Variants in PIEZO2 observed in about 807,000 individuals in gnomAD.
PIEZO2 encodes the protein piezo type mechanosensitive ion channel component 2.
PIEZO2 carries 172 observed loss-of-function variants against 337.3 expected under a neutral mutation model. The ratio of observed to expected loss-of-function variants is 0.51; its 90% CI spans 0.45 to 0.58. PIEZO2 has a LOEUF of 0.58. Ranked by LOEUF, PIEZO2 falls within the 20% of genes least tolerant of loss-of-function variation. The probability of loss-of-function intolerance (pLI) is 0.00; values close to 1 mark genes in which losing one functional copy is unlikely to be tolerated. For missense variants in PIEZO2, 3,028 were observed against 3,391.3 expected (o/e 0.89, Z 2.66); for synonymous variants, 1,251 against 1,228.5 (o/e 1.02, Z -0.38).
At chr18:10,702,343 T>C (rs1185661526) in intron 42 of PIEZO2, among the ~76,000 whole-genome samples, 172 bp from the exon 43 acceptor site, 1 of 152,206 alleles carries the variant, frequency 6.6e-6, no homozygotes, top group East Asian at 1.9e-4. Flanking sequence ...CGCAGACTAT[T>C]GACTTCATAA....
intron 2 of PIEZO2, among the ~76,000 whole-genome samples, chr18:11,043,995 T>A (rs954271644): frequency 1.3e-5 from 2 of 151,998 alleles, no homozygotes; most frequent in African/African-American, 4.8e-5. Context: ...AAGAATACCA[T>A]TGTAAGTAAA....
chr18:11,030,401 T>C (rs1206094136), intron 2 of PIEZO2, among the ~76,000 whole-genome samples: 1 of 152,082 alleles, frequency 6.6e-6, no homozygotes, highest in Non-Finnish European at 1.5e-5. Context: ...CATGTTTCAT[T>C]AGTTATCTGT....
At chr18:10,826,358 T>C (rs1173560870) in intron 7 of PIEZO2, among the ~76,000 whole-genome samples, 1 of 152,250 alleles carries the variant, frequency 6.6e-6, no homozygotes, top group African/African-American at 2.4e-5. Context: ...CAATCTGTTA[T>C]CATATTGTTC....
chr18:11,034,850 A>AAAAC (rs565364362), intron 2 of PIEZO2, among the ~76,000 whole-genome samples: 106 of 152,212 alleles, frequency 7.0e-4, no homozygotes, highest in Admixed American at 4.7e-3. Flanking sequence ...GTCTCAAACA[A>AAAAC]AAACAAACAA....
rs2146145646 is a variant in PIEZO2, at chr18:11,111,411, C to T, written c.64+37114G>A. Among the ~76,000 whole-genome samples the T allele has an allele frequency of 6.6e-6, 1 of 152,326 alleles. No homozygotes were observed. The highest frequency in any genetic ancestry group is 1.9e-4 in the East Asian group (1 of 5,188). ...GACTTTTCATAAAAACCTAGATTTC[C>T]AATTTCTTTTTAAAAAATTATACCA... is the stretch of plus-strand genomic sequence containing the variant. On this transcript the variant is annotated intron_variant, in intron 1 of 55. Coordinates refer to ENST00000674853, the MANE Select transcript of PIEZO2 (RefSeq NM_001378183.1). The surrounding 1 kb of genome is among the most constrained non-coding windows in gnomAD (Gnocchi z 6.2).
In PIEZO2 at chr18:10,857,104, C is replaced by A. The variant is rs982262386; in HGVS notation, c.600G>T (p.Met200Ile). The change falls in exon 6 of 56, where the codon ATG becomes ATT. Residue 200 changes from methionine (M) to isoleucine (I), a missense_variant. Physicochemically the swap from Met to Ile is conservative, Grantham distance 10. Coordinates refer to ENST00000674853, the MANE Select transcript of PIEZO2 (RefSeq NM_001378183.1). ...AGGCCACAGAGGCAAGCCTGCGGAA[C>A]ATTTTTAACTTCGTGCTTTCTTCCA... ...GELEESTKLKMFRRLASVASK... is the reference protein window; with the variant it reads ...GELEESTKLKIFRRLASVASK... 2.3e-5 allele frequency: 36 copies of A among 1,537,606 alleles called. No homozygotes were observed. The highest frequency in any genetic ancestry group is 3.0e-5 in the Non-Finnish European group (34 of 1,147,014).
Position 10,812,372 on chromosome 18 carries a change from T to C in PIEZO2, c.918-5098A>G, listed in dbSNP as rs375577200. On this transcript the variant is annotated intron_variant, in intron 7 of 55. Transcript: ENST00000674853. The stretch of plus-strand genomic sequence containing the variant: ...AAGGGAATAACGGGACACCGGGGCC[T>C]ACTTGAGGGTGAGGGTGGGAGGAGG... 1.6e-4 allele frequency among the ~76,000 whole-genome samples: 25 copies of C among 152,270 alleles called. 1 individual carries two copies. The highest frequency in any genetic ancestry group is 1.5e-3 in the South Asian group (7 of 4,824).
intron 3 of PIEZO2, among the ~76,000 whole-genome samples, chr18:10,949,067 G>A (rs1480302797): frequency 6.6e-6 from 1 of 152,128 alleles, no homozygotes; most frequent in Non-Finnish European, 1.5e-5. Context: ...AGAACCCTGA[G>A]TATTCATCAT....
rs796883471 is a variant in PIEZO2, at chr18:10,684,047, A to ACCCT, written c.7498-1759_7498-1756dup. 4.4e-3 allele frequency among the ~76,000 whole-genome samples: 469 copies of ACCCT among 106,080 alleles called. 6 individuals carry two copies. The highest frequency in any genetic ancestry group is 0.013 in the African/African-American group (354 of 27,612). 69.6% of individuals were successfully genotyped at this position (106,080 alleles called of 152,430 possible). A position where few individuals can be genotyped will look rare whatever the true frequency, so the allele number is the denominator to read the frequency against. ...TTTTCTCCCTTCCTTCCTTCCTCCT[A>ACCCT]CCCTCCCTCCCTCCCTTCCTTCCTT... On this transcript the variant is annotated intron_variant, in intron 49 of 55. Coordinates refer to ENST00000674853, the MANE Select transcript of PIEZO2 (RefSeq NM_001378183.1).
At chr18:10,710,299 A>G (rs1056819993) in intron 39 of PIEZO2, among the ~76,000 whole-genome samples, 2 of 152,150 alleles carry the variant, frequency 1.3e-5, no homozygotes, top group African/African-American at 4.8e-5. Context: ...ACAGTTTAAA[A>G]GTGAATAGGA....
rs1468163258 is a variant in PIEZO2 at position 11,099,993 on chromosome 18, T to G, written c.65-33771A>C. On this transcript the variant is annotated intron_variant, in intron 1 of 55. Coordinates refer to ENST00000674853, the MANE Select transcript of PIEZO2 (RefSeq NM_001378183.1). The surrounding 1 kb of genome is among the most constrained non-coding windows in gnomAD (Gnocchi z 5.4). ...ATGTCATTTGTCTTCATAGTTTGTTTATAGTCTTTTGTCATAAAAAACTTA... is the reference window on the plus strand; with the variant it reads ...ATGTCATTTGTCTTCATAGTTTGTTGATAGTCTTTTGTCATAAAAAACTTA... 2.0e-5 allele frequency among the ~76,000 whole-genome samples: 3 copies of G among 152,190 alleles called. No individual in the cohort carries two copies. Among genetic ancestry groups the G allele is most frequent in the Non-Finnish European group, 4.4e-5 (3 of 68,042 alleles).
chr18:11,054,286 C>A (rs551689520), intron 2 of PIEZO2, among the ~76,000 whole-genome samples: 2 of 152,278 alleles, frequency 1.3e-5, no homozygotes, highest in Admixed American at 1.3e-4. Flanking sequence ...CATGATCCTG[C>A]AATCCTAATT....
chr18:10,679,020 C>T (rs1432339188), intron 52 of PIEZO2, among the ~76,000 whole-genome samples: 1 of 151,350 alleles, frequency 6.6e-6, no homozygotes, highest in Non-Finnish European at 1.5e-5. Context: ...GCAACCTCTG[C>T]CTCCCTAGTT....
At chr18:11,050,977 C>A (rs2145849262) in intron 2 of PIEZO2, among the ~76,000 whole-genome samples, 1 of 151,212 alleles carries the variant, frequency 6.6e-6, no homozygotes, top group African/African-American at 2.4e-5. Context: ...TCCACAAAAG[C>A]ACATATTGAA....
At chr18:10,963,768 C>T (rs186746429) in intron 3 of PIEZO2, among the ~76,000 whole-genome samples, 13 of 152,284 alleles carry the variant, frequency 8.5e-5, no homozygotes, top group South Asian at 6.2e-4. Context: ...GAAATGAAGA[C>T]GACTGAGTAT....
rs1253547633 is a variant in PIEZO2 at position 10,784,836 on chromosome 18, C to T, written c.2440G>A (p.Glu814Lys). ...GGAATGGACTTGAGGTCTGTGAGTTCAAGGAACCGGTCATGGAAGTAGTGC... is the reference window on the plus strand; with the variant it reads ...GGAATGGACTTGAGGTCTGTGAGTTTAAGGAACCGGTCATGGAAGTAGTGC... The part of the protein sequence containing the change: ...HLHYFHDRFL[E>K]LTDLKSIPSK... Residue 814 changes from glutamate to lysine, a missense_variant, in exon 17 of 56, where the codon GAA becomes AAA. Around this residue, in one of 5 missense-constraint regions of PIEZO2, gnomAD observed 1,925 missense variants for 2,051.9 expected, o/e 0.94. Coordinates refer to ENST00000674853, the MANE Select transcript of PIEZO2 (RefSeq NM_001378183.1). This position sits in a 1 kb window ranked among gnomAD's most constrained non-coding sequence, Gnocchi z 4.5. 13 of 1,537,526 alleles carry T rather than the reference C, an allele frequency of 8.5e-6. No individual in the cohort carries two copies. The highest frequency in any genetic ancestry group is 1.0e-5 in the Non-Finnish European group (12 of 1,146,958).
At chr18:10,736,742 G>A (rs1359114889) in intron 33 of PIEZO2, 32 bp from the exon 34 acceptor site, 13 of 1,530,798 alleles carry the variant, frequency 8.5e-6, no homozygotes, top group Non-Finnish European at 9.6e-6. Flanking sequence ...CTCATTTCTT[G>A]AAAGACATAT....
intron 14 of PIEZO2, 70 bp from the exon 15 acceptor site, chr18:10,789,435 A>G (rs2039339159): frequency 6.9e-7 from 1 of 1,457,260 alleles, no homozygotes; most frequent in Non-Finnish European, 9.0e-7. Context: ...ACCATGTGAT[A>G]GGTATAGGAT....
At chr18:11,036,045 G>T (rs921828112) in intron 2 of PIEZO2, among the ~76,000 whole-genome samples, 11 of 152,318 alleles carry the variant, frequency 7.2e-5, no homozygotes, top group Admixed American at 6.5e-4. Flanking sequence ...CCCTCATCCA[G>T]AGAATCTGAC....
Sources: allele counts gnomAD v4.1 joint callset (sites outside exome capture counted in the v4.1 genomes callset), GRCh38; gene constraint gnomAD v4.1.1; regional missense constraint gnomAD v4.1.1; non-coding constraint Gnocchi (gnomAD v3.1); transcripts MANE v1.5; gene names NCBI Gene and HGNC (gene_info 2026-07-23, HGNC 2026-07-21).